The following DCHS1 variants were observed in gnomAD, a reference collection of about 807,000 sequenced individuals.
The protein encoded by DCHS1 is protocadherin-16.
Under a neutral mutation model 213.9 loss-of-function variants are expected in DCHS1, and 78 were observed. That is an observed-to-expected ratio of 0.36 (90% CI 0.30 to 0.44). DCHS1 has a LOEUF of 0.44. Among genes scored for constraint, DCHS1 ranks in the 20% least tolerant of loss-of-function variants. DCHS1 has a pLI of 1.00. For missense variants in DCHS1, 3,946 were observed against 4,395.9 expected (o/e 0.90, Z 2.89); for synonymous variants, 1,828 against 1,873.7 (o/e 0.98, Z 0.63).
chr11:6,654,343 A>G (rs1478195959), intron 1 of DCHS1, among the ~76,000 whole-genome samples: 1 of 152,112 alleles, frequency 6.6e-6, no homozygotes, highest in African/African-American at 2.4e-5. Flanking sequence ...TAAACCTAAT[A>G]AGATGTGCTG....
In DCHS1 at chr11:6,623,418, T is replaced by A. The variant is rs1480523190; in HGVS notation, c.8258A>T (p.Glu2753Val). 1 of 1,590,298 alleles carries A rather than the reference T, an allele frequency of 6.3e-7. No individual in the cohort carries two copies. Among genetic ancestry groups the A allele is most frequent in the South Asian group, 1.1e-5 (1 of 87,686 alleles). ...GTTCAGTGCAAATGCCTCACGGCCC[T>A]CAGGTCCTGGCCCAGCCTCCAACAG... Reference protein sequence around the residue: ...YSLLEAGPGPEGREAFALNSS... With the variant: ...YSLLEAGPGPVGREAFALNSS... The change falls in exon 21 of 21, where the codon GAG becomes GTG. Residue 2753 changes from glutamate (E) to valine (V), a missense_variant. Glu to Val is a moderately radical substitution (Grantham distance 121). Transcript: ENST00000299441.
In DCHS1 at chr11:6,640,411, G is replaced by A; in HGVS notation, c.1203C>T (p.Val401=). 6.2e-7 allele frequency: 1 copy of A among 1,613,968 alleles called. No individual in the cohort carries two copies. The highest frequency in any genetic ancestry group is 1.3e-5 in the African/African-American group (1 of 75,062). The change falls in exon 2 of 21, where the codon GTC becomes GTT. Residue 401 remains valine (V), a synonymous_variant. Transcript: ENST00000299441. This position sits in a 1 kb window ranked among gnomAD's most constrained non-coding sequence, Gnocchi z 6.5. The part of the protein sequence containing the change: ...SDPDDGDFAH[V]NVSLEGGEGH... ...CCTCTCCACCTTCCAGGGACACATT[G>A]ACATGGGCAAAGTCACCATCATCTG... is the stretch of plus-strand genomic sequence containing the variant.
At chr11:6,643,579 C>A (rs538342627) in intron 1 of DCHS1, among the ~76,000 whole-genome samples, 1 of 152,262 alleles carries the variant, frequency 6.6e-6, no homozygotes, top group South Asian at 2.1e-4. Context: ...TTTGCAAGTT[C>A]TTTTTCCTCT....
rs200280593 is a variant in DCHS1, at chr11:6,640,409, T to C, written c.1205A>G (p.Asn402Ser). The C allele has an allele frequency of 2.7e-5, 44 of 1,613,976 alleles. No individual in the cohort carries two copies. The highest frequency in any genetic ancestry group is 1.3e-4 in the East Asian group (6 of 44,886). ...DPDDGDFAHV[N>S]VSLEGGEGHF... ...GCCCTCTCCACCTTCCAGGGACACA[T>C]TGACATGGGCAAAGTCACCATCATC... The change falls in exon 2 of 21, where the codon AAT becomes AGT. Residue 402 changes from asparagine to serine, a missense_variant. Physicochemically the swap from Asn to Ser is conservative, Grantham distance 46. Around this residue, in one of 3 missense-constraint regions of DCHS1, gnomAD observed 3,384 missense variants for 3,780.1 expected, o/e 0.90. Coordinates refer to ENST00000299441, the MANE Select transcript of DCHS1 (RefSeq NM_003737.4). The surrounding 1 kb of genome is among the most constrained non-coding windows in gnomAD (Gnocchi z 6.5).
At position 6,629,502 on chromosome 11, in the gene DCHS1, G is replaced by T; in HGVS notation, c.5111C>A (p.Thr1704Lys). The T allele has an allele frequency of 6.2e-7, 1 of 1,613,204 alleles. No individual in the cohort carries two copies. Among genetic ancestry groups the T allele is most frequent in the South Asian group, 1.1e-5 (1 of 90,814 alleles). Residue 1704 changes from threonine to lysine, a missense_variant, in exon 12 of 21, where the codon ACG (threonine) becomes AAG (lysine). Physicochemically the swap from Thr to Lys is moderately conservative, Grantham distance 78. This residue lies in a region of DCHS1 where 3,384 missense variants were observed against 3,780.1 expected (regional missense o/e 0.90). Coordinates refer to ENST00000299441, the MANE Select transcript of DCHS1 (RefSeq NM_003737.4). ...FSLDPDTGVL[T>K]TLRALDREEQ... is the part of the protein sequence containing the mutation. ...CTCTCGATCCAGGGCCCGAAGAGTCGTGAGAACACCAGTGTCAGGATCCAG... is the reference window on the plus strand; with the variant it reads ...CTCTCGATCCAGGGCCCGAAGAGTCTTGAGAACACCAGTGTCAGGATCCAG...
chr11:6,651,284 C>T (rs770788912), intron 1 of DCHS1, among the ~76,000 whole-genome samples: 41 of 152,084 alleles, frequency 2.7e-4, no homozygotes, highest in Non-Finnish European at 2.5e-4. Flanking sequence ...GAGTGAAGGG[C>T]CTTTCAGGCA....
rs868578129 is a variant in DCHS1, at chr11:6,630,836, G to A, written c.3958C>T (p.Pro1320Ser). The A allele has an allele frequency of 1.3e-6, 2 of 1,526,428 alleles. No individual in the cohort carries two copies. The highest frequency in any genetic ancestry group is 1.2e-5 in the South Asian group (1 of 81,628). 94.6% of individuals were successfully genotyped at this position (1,526,428 alleles called of 1,614,324 possible). A position where few individuals can be genotyped will look rare whatever the true frequency, so the allele number is the denominator to read the frequency against. Residue 1320 changes from proline to serine, a missense_variant, in exon 10 of 21, where the codon CCG (proline) becomes TCG (serine). Around this residue, in one of 3 missense-constraint regions of DCHS1, gnomAD observed 3,384 missense variants for 3,780.1 expected, o/e 0.90. Transcript: ENST00000299441. ...TCCCGCTCTGCGAGATCTGGGGGCG[G>A]CTCGGCCAAGCGAGCTGAGGGAAGC... ...QVLPSARLAE[P>S]PPDLAERDPA...
rs954200375 is a variant in DCHS1, at chr11:6,621,501, CT to C, written c.*277del. ...AAAGTCTCAGCTCCATCTCAGGGTG[CT>C]GGTGCAGGGCAGGGATCCCTCACTG... is the stretch of plus-strand genomic sequence containing the variant. On this transcript the variant is annotated 3_prime_UTR_variant, in exon 21 of 21. Coordinates refer to ENST00000299441, the MANE Select transcript of DCHS1 (RefSeq NM_003737.4). 19 of 569,298 alleles carry C rather than the reference CT, an allele frequency of 3.3e-5. No homozygotes were observed. In the African/African-American group the frequency reaches 3.3e-4, roughly 10 times the overall value. The allele number at this position is 569,298 out of a possible 1,614,324, so 35.3% of individuals were successfully genotyped here. A position where few individuals can be genotyped will look rare whatever the true frequency, so the allele number is the denominator to read the frequency against.
Position 6,625,390 on chromosome 11 carries a change from G to A in DCHS1, c.6954C>T (p.Pro2318=), listed in dbSNP as rs959148307. ...AGCGGCCAACACTGAAGGGATCCTGGGGCCCAGATGGGCTTAGCACATACC... is the reference window on the plus strand; with the variant it reads ...AGCGGCCAACACTGAAGGGATCCTGAGGCCCAGATGGGCTTAGCACATACC... The part of the protein sequence containing the change: ...VLWYVLSPSG[P]QDPFSVGRYG... Residue 2318 remains proline, a synonymous_variant, in exon 19 of 21, where the codon CCC becomes CCT. Coordinates refer to ENST00000299441, the MANE Select transcript of DCHS1 (RefSeq NM_003737.4). This position sits in a 1 kb window ranked among gnomAD's most constrained non-coding sequence, Gnocchi z 5.3. 4 of 1,611,690 alleles carry A rather than the reference G, an allele frequency of 2.5e-6. No individual in the cohort carries two copies. The African/African-American group carries it at 5.3e-5, about 22-fold the overall frequency.
chr11:6,639,043 A>G (rs970869434), intron 2 of DCHS1, among the ~76,000 whole-genome samples: 30 of 152,002 alleles, frequency 2.0e-4, no homozygotes, highest in African/African-American at 6.8e-4. Flanking sequence ...CCCAGGAGGC[A>G]GACTTGCAGT....
At position 6,639,820 on chromosome 11, in the gene DCHS1, C is replaced by A. The variant is rs111908402; in HGVS notation, c.1794G>T (p.Leu598=). The change falls in exon 2 of 21, where the codon CTG becomes CTT. Residue 598 remains leucine, a synonymous_variant. Transcript: ENST00000299441. ...GCTATGTGCCAGGCCTACCCACCTG[C>A]AGGAAGCAAGTTCCAGGCTGGGTGC... ...PEGTQPGTCF[L]QVTATDADSG... 2.5e-3 allele frequency: 4,052 copies of A among 1,591,200 alleles called. 7 individuals are homozygous for A. Among genetic ancestry groups the A allele is most frequent in the Middle Eastern group, 5.9e-3 (35 of 5,972 alleles).
At position 6,641,422 on chromosome 11, in the gene DCHS1, G is replaced by T. The variant is rs777922001; in HGVS notation, c.192C>A (p.Ile64=). The T allele has an allele frequency of 9.3e-6, 15 of 1,612,924 alleles. No individual in the cohort carries two copies. The highest frequency in any genetic ancestry group is 2.7e-5 in the African/African-American group (2 of 74,936). The change falls in exon 2 of 21, where the codon ATC becomes ATA. Residue 64 remains isoleucine (I), a synonymous_variant. Coordinates refer to ENST00000299441, the MANE Select transcript of DCHS1 (RefSeq NM_003737.4). This position sits in a 1 kb window ranked among gnomAD's most constrained non-coding sequence, Gnocchi z 7.1. The part of the protein sequence containing the change: ...EQPAGTLIGD[I]SAGLPAGTAA... ...CCGTGCCTGCCGGAAGCCCCGCACT[G>T]ATGTCGCCAATCAGTGTACCCGCTG...
At position 6,630,117 on chromosome 11, in the gene DCHS1, C is replaced by T. The variant is rs1195309870; in HGVS notation, c.4677G>A (p.Pro1559=). Residue 1559 remains proline, a synonymous_variant, in exon 10 of 21, where the codon CCG becomes CCA. Coordinates refer to ENST00000299441, the MANE Select transcript of DCHS1 (RefSeq NM_003737.4). ...CCACGTGCAGGGCCGCGGGCCCAGGCGGCTGGTCCTCTGGGAGGCGCACGC... is the reference window on the plus strand; with the variant it reads ...CCACGTGCAGGGCCGCGGGCCCAGGTGGCTGGTCCTCTGGGAGGCGCACGC... The part of the protein sequence containing the change: ...PSRVRLPEDQ[P]PGPAALHVVA... The T allele has an allele frequency of 1.2e-6, 2 of 1,604,240 alleles. No homozygotes were observed. Among genetic ancestry groups the T allele is most frequent in the Non-Finnish European group, 1.7e-6 (2 of 1,174,418 alleles).
At chr11:6,653,095 T>C (rs900934319) in intron 1 of DCHS1, among the ~76,000 whole-genome samples, 3 of 152,302 alleles carry the variant, frequency 2.0e-5, no homozygotes, top group African/African-American at 4.8e-5. Flanking sequence ...TAAATGAATT[T>C]CTTTCTGTGG....
Position 6,629,869 on chromosome 11 carries a change from G to A in DCHS1, c.4838C>T (p.Ala1613Val), listed in dbSNP as rs1758676916. The part of the protein sequence containing the change: ...VVRPLDREQR[A>V]EHVLTVVASD... ...GGCCACCACTGTCAGTACGTGCTCA[G>A]CTCGTTGTTCGCGGTCCAACGGCCG... Residue 1613 changes from alanine (A) to valine (V), a missense_variant, in exon 11 of 21, where the codon GCT (alanine) becomes GTT (valine). Physicochemically the swap from Ala to Val is moderately conservative, Grantham distance 64. Coordinates refer to ENST00000299441, the MANE Select transcript of DCHS1 (RefSeq NM_003737.4). The A allele has an allele frequency of 3.1e-6, 5 of 1,612,948 alleles. No individual in the cohort carries two copies. The African/African-American group carries it at 4.0e-5, about 13-fold the overall frequency.
chr11:6,642,118 G>A (rs1038763471), intron 1 of DCHS1, among the ~76,000 whole-genome samples: 4 of 151,986 alleles, frequency 2.6e-5, no homozygotes, highest in African/African-American at 9.7e-5. Flanking sequence ...TTCCTGAACC[G>A]TCAACCTTTT....
At chr11:6,646,606 C>T (rs1253617226) in intron 1 of DCHS1, among the ~76,000 whole-genome samples, 3 of 152,150 alleles carry the variant, frequency 2.0e-5, no homozygotes, top group Non-Finnish European at 4.4e-5. Context: ...TGTCTTCTTC[C>T]TTCTTCCAAA....
chr11:6,650,275 G>A (rs1199696130), intron 1 of DCHS1, among the ~76,000 whole-genome samples: 2 of 152,232 alleles, frequency 1.3e-5, no homozygotes, highest in African/African-American at 4.8e-5. Context: ...GGGCTTGGAA[G>A]TTCCAGGTGG....
chr11:6,630,744 C>G lies in DCHS1; in HGVS notation c.4050G>C (p.Leu1350=), dbSNP rs189155397. 17,003 of 1,545,534 alleles carry G rather than the reference C, an allele frequency of 0.011. 169 individuals are homozygous for G. Among genetic ancestry groups the G allele is most frequent in the South Asian group, 0.035 (2,980 of 84,056 alleles). Residue 1350 remains leucine (L), a synonymous_variant, in exon 10 of 21, where the codon CTG becomes CTC. Transcript: ENST00000299441. ...TAAEGLRPGS[L]LGSVAAPEPA... ...GCTCTGGCGCTGCCACCGAGCCCAA[C>G]AGAGAGCCGGGCCGCAGTCCCTCAG... is the stretch of plus-strand genomic sequence containing the variant.
Sources: allele counts gnomAD v4.1 joint callset (sites outside exome capture counted in the v4.1 genomes callset), GRCh38; gene constraint gnomAD v4.1.1; regional missense constraint gnomAD v4.1.1; non-coding constraint Gnocchi (gnomAD v3.1); transcripts MANE v1.5; gene names NCBI Gene and HGNC (gene_info 2026-07-23, HGNC 2026-07-21).